The following STARD7 variants were observed in gnomAD, a reference collection of about 807,000 sequenced individuals.
STARD7 encodes the protein stAR-related lipid transfer protein 7, mitochondrial.
In STARD7, 30 loss-of-function variants were observed where a neutral mutation model predicts 45.3. The ratio of observed to expected loss-of-function variants is 0.66; its 90% CI spans 0.50 to 0.90. STARD7 has a LOEUF of 0.90. Among genes scored for constraint, STARD7 ranks in the 40% least tolerant of loss-of-function variants. The pLI is 0.00. For synonymous variants in STARD7, 199 were observed against 183.0 expected (o/e 1.09, Z -0.70); for missense variants, 495 against 491.3 (o/e 1.01, Z -0.07).
At position 96,208,473 on chromosome 2, in the gene STARD7, C is replaced by G. The variant is rs1445418002; in HGVS notation, c.-39G>C. The G allele has an allele frequency of 4.6e-5, 63 of 1,358,256 alleles. No homozygotes were observed. The South Asian group carries it at 8.9e-4, about 19-fold the overall frequency. The allele number at this position is 1,358,256 out of a possible 1,614,324, so 84.1% of individuals were successfully genotyped here. ...GGGCCCGCCGCGAGCTTCCGGGGCC[C>G]AAGGAACCAGTCCGGAGGGGCGCAG... On this transcript the variant is annotated 5_prime_UTR_variant, in exon 1 of 8. Transcript: ENST00000337288.
At chr2:96,204,932 G>A (rs867005660) in intron 1 of STARD7, among the ~76,000 whole-genome samples, 1 of 152,118 alleles carries the variant, frequency 6.6e-6, no homozygotes, top group African/African-American at 2.4e-5. Flanking sequence ...GCAATGAACT[G>A]TAACTTTTAA....
At chr2:96,195,219 A>T (rs1342929314) in intron 2 of STARD7, 122 bp downstream of exon 2, 2 of 964,618 alleles carry the variant, frequency 2.1e-6, no homozygotes, top group East Asian at 5.2e-5. Context: ...GAAAAACAAT[A>T]AACAAAAAAC....
chr2:96,190,164 A>T (rs1683103097), intron 6 of STARD7, among the ~76,000 whole-genome samples: 1 of 152,184 alleles, frequency 6.6e-6, no homozygotes, highest in Admixed American at 6.5e-5. Context: ...AAAACTAAAA[A>T]TATACAAGAT....
chr2:96,200,509 G>A (rs899719840), intron 1 of STARD7, among the ~76,000 whole-genome samples: 2 of 151,984 alleles, frequency 1.3e-5, no homozygotes, highest in African/African-American at 2.4e-5. Context: ...GACATCTTGG[G>A]GAAAAATAAG....
At position 96,186,734 on chromosome 2, in the gene STARD7, G is replaced by A. The variant is rs201771782; in HGVS notation, c.1109C>T (p.Ala370Val). ...GSCGPARIEY[A>V] ...CCCTTCTTATCCCAAAGCCTGTCAAGCATACTCAATCCGAGCAGGGCCACA... is the reference window on the plus strand; with the variant it reads ...CCCTTCTTATCCCAAAGCCTGTCAAACATACTCAATCCGAGCAGGGCCACA... Residue 370 changes from alanine (A) to valine (V), a missense_variant, in exon 8 of 8, where the codon GCT (alanine) becomes GTT (valine). Ala to Val is a moderately conservative substitution (Grantham distance 64, BLOSUM62 0). Around this residue, in one of 2 missense-constraint regions of STARD7, gnomAD observed 213 missense variants for 271.2 expected, o/e 0.79. Coordinates refer to ENST00000337288, the MANE Select transcript of STARD7 (RefSeq NM_020151.4). 13 of 1,607,682 alleles carry A rather than the reference G, an allele frequency of 8.1e-6. No homozygotes were observed. Among genetic ancestry groups the A allele is most frequent in the Non-Finnish European group, 1.1e-5 (13 of 1,177,384 alleles).
chr2:96,196,445 G>A (rs1683207267), intron 1 of STARD7, among the ~76,000 whole-genome samples: 2 of 152,136 alleles, frequency 1.3e-5, no homozygotes, highest in African/African-American at 4.8e-5. Context: ...GGGCAATACA[G>A]TAAGACTCTG....
At chr2:96,197,100 A>AAACTAAACTAAACC (rs1162445956) in intron 1 of STARD7, among the ~76,000 whole-genome samples, 2 of 139,880 alleles carry the variant, frequency 1.4e-5, no homozygotes, top group Non-Finnish European at 3.2e-5. Flanking sequence ...ATAAAATAAA[A>AAACTAAACTAAACC]TAAAATAAAA....
Position 96,208,308 on chromosome 2 carries a change from G to C in STARD7, c.127C>G (p.Gln43Glu), listed in dbSNP as rs369373844. ...TCGGAGTAGAGGCGGCCGTAGAGCTGCGCGATCTGCTGCGCGCGCCGCACG... is the reference window on the plus strand; with the variant it reads ...TCGGAGTAGAGGCGGCCGTAGAGCTCCGCGATCTGCTGCGCGCGCCGCACG... ...LRVRRAQQIA[Q>E]LYGRLYSESS... The change falls in exon 1 of 8, where the codon CAG becomes GAG. Residue 43 changes from glutamine (Q) to glutamate (E), a missense_variant. Around this residue, in one of 2 missense-constraint regions of STARD7, gnomAD observed 282 missense variants for 220.1 expected, o/e 1.28. Coordinates refer to ENST00000337288, the MANE Select transcript of STARD7 (RefSeq NM_020151.4). 6.2e-7 allele frequency: 1 copy of C among 1,608,128 alleles called. No homozygotes were observed. Among genetic ancestry groups the C allele is most frequent in the Non-Finnish European group, 8.5e-7 (1 of 1,178,638 alleles).
At chr2:96,203,089 T>C (rs1156586290) in intron 1 of STARD7, among the ~76,000 whole-genome samples, 2 of 152,190 alleles carry the variant, frequency 1.3e-5, no homozygotes, top group East Asian at 3.8e-4. Flanking sequence ...TTCCCAAGGT[T>C]TAGGAATCCC....
At chr2:96,204,749 C>CAAAAAAAAA (rs397959036) in intron 1 of STARD7, among the ~76,000 whole-genome samples, 6 of 96,154 alleles carry the variant, frequency 6.2e-5, no homozygotes, top group Non-Finnish European at 8.6e-5. Flanking sequence ...TGACAATGGC[C>CAAAAAAAAA]AAAAAAAAAA....
rs769676604 is a variant in STARD7, at chr2:96,195,530, G to A, written c.310C>T (p.Arg104Trp). Residue 104 changes from arginine (R) to tryptophan (W), a missense_variant, in exon 2 of 8, where the codon CGG (arginine) becomes TGG (tryptophan). Arg to Trp is a moderately radical substitution (Grantham distance 101). This residue lies in a region of STARD7 where 282 missense variants were observed against 220.1 expected (regional missense o/e 1.28). Coordinates refer to ENST00000337288, the MANE Select transcript of STARD7 (RefSeq NM_020151.4). ...ELQRSINEMK[R>W]LEEMSNMFQS... ...AACATATTTGACATTTCTTCCAACC[G>A]CTTCATCTCATTAATAGATCTGTAA... is the stretch of plus-strand genomic sequence containing the variant. 1.4e-5 allele frequency: 22 copies of A among 1,612,978 alleles called. No homozygotes were observed. The highest frequency in any genetic ancestry group is 3.3e-4 in the Middle Eastern group (2 of 6,084).
intron 5 of STARD7, 23 bp downstream of exon 5, chr2:96,193,055 C>T (rs1236649069): frequency 1.3e-6 from 2 of 1,585,146 alleles, no homozygotes; most frequent in East Asian, 2.2e-5. Flanking sequence ...AACTCGGCAA[C>T]AGCCACAGGC....
intron 1 of STARD7, among the ~76,000 whole-genome samples, chr2:96,196,390 T>C (rs1410191206): frequency 6.6e-6 from 1 of 151,932 alleles, no homozygotes; most frequent in African/African-American, 2.4e-5. Context: ...AGCCCAGGAG[T>C]TGGAGGCTGT....
chr2:96,190,213 C>G (rs1683104231), intron 6 of STARD7, among the ~76,000 whole-genome samples: 1 of 152,148 alleles, frequency 6.6e-6, no homozygotes, highest in Non-Finnish European at 1.5e-5. Flanking sequence ...AGCAAGACAG[C>G]TTCTGGGGTC....
At chr2:96,190,926 G>A (rs561374090) in intron 6 of STARD7, among the ~76,000 whole-genome samples, 49 of 152,244 alleles carry the variant, frequency 3.2e-4, no homozygotes, top group Middle Eastern at 6.8e-3. Context: ...CATTTTGGGA[G>A]GCTGAGGTGG....
intron 6 of STARD7, among the ~76,000 whole-genome samples, chr2:96,191,662 G>GT (rs141460811): frequency 0.064 from 9,190 of 144,610 alleles, 775 homozygotes; most frequent in African/African-American, 0.19. Context: ...TTTTTTTTTT[G>GT]TTTTTTTTTA....
Position 96,193,359 on chromosome 2 carries a change from AAAGAG to A in STARD7, c.550-12_550-8del. 6.3e-7 allele frequency: 1 copy of A among 1,585,638 alleles called. No homozygotes were observed. The highest frequency in any genetic ancestry group is 8.7e-7 in the Non-Finnish European group (1 of 1,154,244). On this transcript the variant is annotated splice_region_variant and splice_polypyrimidine_tract_variant and intron_variant, in intron 3 of 7. Transcript: ENST00000337288. ...TTCTATACTCTGTGTCCAGCTGCAG[AAAGAG>A]AAAAGACCATGAATACCCAAGAAGA...
intron 1 of STARD7, among the ~76,000 whole-genome samples, chr2:96,203,654 G>A (rs563672097): frequency 3.9e-5 from 6 of 152,222 alleles, no homozygotes; most frequent in East Asian, 1.9e-4. Flanking sequence ...ACTGATACGG[G>A]ACACACCTAG....
intron 1 of STARD7, among the ~76,000 whole-genome samples, chr2:96,202,708 T>G (rs1683325697): frequency 6.6e-6 from 1 of 152,200 alleles, no homozygotes; most frequent in Non-Finnish European, 1.5e-5. Flanking sequence ...CAAGTGATCC[T>G]CCAGCCTCCC....
Sources: gnomAD v4.1 joint callset for allele counts (sites outside exome capture counted in the v4.1 genomes callset) on GRCh38, gnomAD v4.1.1 for gene constraint, gnomAD v4.1.1 regional missense constraint, MANE v1.5 for transcripts, NCBI Gene and HGNC (gene_info 2026-07-23, HGNC 2026-07-21) for gene names.